The following ASH1L variants were observed in gnomAD, a reference collection of about 807,000 sequenced individuals.
The protein encoded by ASH1L is ASH1 like histone lysine methyltransferase.
In ASH1L, 23 loss-of-function variants were observed where a neutral mutation model predicts 269.0. That is an observed-to-expected ratio of 0.09 (90% CI 0.06 to 0.12). The LOEUF is 0.12. Ranked by LOEUF, ASH1L falls within the 10% of genes least tolerant of loss-of-function variation. The pLI, the probability that ASH1L is intolerant of heterozygous loss-of-function variation, is 1.00. For synonymous variants in ASH1L, 1,187 were observed against 1,253.5 expected, an observed-to-expected ratio of 0.95 and a Z score of 1.12; for missense variants, 2,912 against 3,567.8, an observed-to-expected ratio of 0.82 and a Z score of 4.68.
chr1:155,422,985 T>C (rs1210330600), intron 5 of ASH1L, among the ~76,000 whole-genome samples: 2 of 140,140 alleles, frequency 1.4e-5, no homozygotes, highest in African/African-American at 2.7e-5. Context: ...TCTCGCTTTG[T>C]TGCCCAGGCT....
At chr1:155,521,681 A>C in intron 1 of ASH1L, 63 bp from the exon 2 acceptor site, 1 of 627,884 alleles carries the variant, frequency 1.6e-6, no homozygotes, top group Non-Finnish European at 2.7e-6. Context: ...AACATAAGTA[A>C]TGGGTATAGG....
At chr1:155,489,835 T>TA (rs894162203) in intron 2 of ASH1L, among the ~76,000 whole-genome samples, 56 of 150,612 alleles carry the variant, frequency 3.7e-4, no homozygotes, top group Admixed American at 1.2e-3. Context: ...AATAAATAAA[T>TA]AACAATATGG....
chr1:155,482,582 A>G, intron 2 of ASH1L, 133 bp from the exon 3 acceptor site: 1 of 861,704 alleles, frequency 1.2e-6, no homozygotes, highest in Non-Finnish European at 1.8e-6. Flanking sequence ...AAAAAACCTA[A>G]TATTATACTT....
chr1:155,473,681 T>G (rs1016508674), intron 3 of ASH1L, among the ~76,000 whole-genome samples: 5 of 151,976 alleles, frequency 3.3e-5, no homozygotes, highest in African/African-American at 1.2e-4. Context: ...AACATTTTTC[T>G]GTAGAGATGG....
intron 2 of ASH1L, among the ~76,000 whole-genome samples, chr1:155,496,797 C>T (rs951283710): frequency 8.6e-5 from 13 of 151,976 alleles, no homozygotes; most frequent in Non-Finnish European, 1.6e-4. Flanking sequence ...TGCAATCACG[C>T]TTGGCTATTT....
At chr1:155,439,543 T>C (rs982880628) in intron 4 of ASH1L, among the ~76,000 whole-genome samples, 2 of 151,702 alleles carry the variant, frequency 1.3e-5, no homozygotes, top group Admixed American at 1.3e-4. Context: ...ACAAACAATA[T>C]AAAAAAATTA....
chr1:155,405,212 G>T (rs1659170889), intron 6 of ASH1L, among the ~76,000 whole-genome samples: 1 of 151,588 alleles, frequency 6.6e-6, no homozygotes, highest in Non-Finnish European at 1.5e-5. Context: ...CAGGGGCAGT[G>T]ACTCGTGCCT....
chr1:155,438,430 C>G lies in ASH1L; in HGVS notation c.5725G>C (p.Glu1909Gln), dbSNP rs1369495534. 1.9e-6 allele frequency: 3 copies of G among 1,613,352 alleles called. No homozygotes were observed. Among genetic ancestry groups the G allele is most frequent in the South Asian group, 1.1e-5 (1 of 90,920 alleles). The change falls in exon 5 of 28, where the codon GAA becomes CAA. Residue 1909 changes from glutamate (E) to glutamine (Q), a missense_variant. Glu to Gln is a conservative substitution (Grantham distance 29). Around this residue, in one of 13 missense-constraint regions of ASH1L, gnomAD observed 789 missense variants for 897.6 expected, o/e 0.88. Coordinates refer to ENST00000392403, the MANE Select transcript of ASH1L (RefSeq NM_018489.3). ...TTTCTCTTCAACCCCTTTTTATGTT[C>G]TGGGTTCAGATTTACACTCTGAACA... Reference protein sequence around the residue: ...AVVQSVNLNPEHKKGLKRKGW... With the variant: ...AVVQSVNLNPQHKKGLKRKGW...
At chr1:155,538,577 C>T (rs1328578730) in intron 1 of ASH1L, among the ~76,000 whole-genome samples, 3 of 148,560 alleles carry the variant, frequency 2.0e-5, no homozygotes, top group Non-Finnish European at 4.4e-5. Flanking sequence ...CTCCTGACCT[C>T]GTGATCTGCC....
intron 5 of ASH1L, among the ~76,000 whole-genome samples, chr1:155,425,051 T>C (rs986827582): frequency 2.6e-5 from 4 of 151,284 alleles, no homozygotes; most frequent in African/African-American, 7.3e-5. Flanking sequence ...CTCACTGCAA[T>C]CTCCGCCTCC....
At chr1:155,453,610 G>A (rs1350724321) in intron 4 of ASH1L, among the ~76,000 whole-genome samples, 1 of 151,912 alleles carries the variant, frequency 6.6e-6, no homozygotes, top group Non-Finnish European at 1.5e-5. Context: ...AACCAGCCTG[G>A]CCAACATAGT....
At chr1:155,347,573 C>T in intron 20 of ASH1L, 83 bp downstream of exon 20, 1 of 1,563,292 alleles carries the variant, frequency 6.4e-7, no homozygotes, top group African/African-American at 1.4e-5. Flanking sequence ...TCAAGCCAAT[C>T]CAAAAGAGGC....
intron 6 of ASH1L, among the ~76,000 whole-genome samples, chr1:155,415,337 G>A (rs1265279585): frequency 2.8e-5 from 4 of 142,704 alleles, no homozygotes; most frequent in Admixed American, 7.3e-5. Flanking sequence ...AGCCAAGATC[G>A]CACCACTGCA....
chr1:155,538,913 C>G (rs993873417), intron 1 of ASH1L, among the ~76,000 whole-genome samples: 1 of 152,124 alleles, frequency 6.6e-6, no homozygotes, highest in Admixed American at 6.6e-5. Context: ...AAGTTTAATC[C>G]TCCTCCAATC....
intron 4 of ASH1L, among the ~76,000 whole-genome samples, chr1:155,449,497 A>C (rs1663304907): frequency 6.6e-6 from 1 of 152,068 alleles, no homozygotes; most frequent in South Asian, 2.1e-4. Flanking sequence ...CACGCACTTC[A>C]AAAGAATATG....
Position 155,481,159 on chromosome 1 carries a change from G to C in ASH1L, c.1711C>G (p.Pro571Ala). Residue 571 changes from proline (P) to alanine (A), a missense_variant, in exon 3 of 28, where the codon CCC becomes GCC. Physicochemically the swap from Pro to Ala is conservative, Grantham distance 27. Around this residue, in one of 13 missense-constraint regions of ASH1L, gnomAD observed 715 missense variants for 721.0 expected, o/e 0.99. Transcript: ENST00000392403. ...GCCAACTGTGAAGAAGTTTCAGGGG[G>C]ACTTCTGGTTAAAGGATTAACAGAT... ...TVSVNPLTRSPPETSSQLAPN... is the reference protein window; with the variant it reads ...TVSVNPLTRSAPETSSQLAPN... 6.2e-7 allele frequency: 1 copy of C among 1,614,062 alleles called. No homozygotes were observed. The highest frequency in any genetic ancestry group is 8.5e-7 in the Non-Finnish European group (1 of 1,179,978).
chr1:155,415,945 T>C, intron 5 of ASH1L, 22 bp from the exon 6 acceptor site: 2 of 1,449,202 alleles, frequency 1.4e-6, no homozygotes, highest in Non-Finnish European at 1.8e-6. Context: ...AGTTTAAAGA[T>C]AATTTTATTA....
intron 5 of ASH1L, among the ~76,000 whole-genome samples, chr1:155,420,847 TA>T (rs59908021): frequency 6.7e-4 from 92 of 136,676 alleles, no homozygotes; most frequent in African/African-American, 1.0e-3. Flanking sequence ...AAGGCTCCAT[TA>T]AAAAAAAAAA....
chr1:155,510,134 T>C (rs563988985), intron 2 of ASH1L, among the ~76,000 whole-genome samples: 1 of 152,068 alleles, frequency 6.6e-6, no homozygotes, highest in African/African-American at 2.4e-5. Flanking sequence ...GAAAATTATA[T>C]GCTGGGCGCA....
Sources: allele counts gnomAD v4.1 joint callset (sites outside exome capture counted in the v4.1 genomes callset), GRCh38; gene constraint gnomAD v4.1.1; regional missense constraint gnomAD v4.1.1; transcripts MANE v1.5; gene names NCBI Gene and HGNC (gene_info 2026-07-23, HGNC 2026-07-21).